The following ZC3H3 variants were observed in gnomAD, a reference collection of about 807,000 sequenced individuals.
ZC3H3 encodes zinc finger CCCH-type containing 3.
In ZC3H3, 36 loss-of-function variants were observed where a neutral mutation model predicts 77.3. The ratio of observed to expected loss-of-function variants is 0.47; its 90% CI spans 0.36 to 0.61. The LOEUF is 0.61. ZC3H3 is among the 20% of genes least tolerant of loss of function. The probability of loss-of-function intolerance (pLI) is 0.00; values close to 1 mark genes in which losing one functional copy is unlikely to be tolerated. For missense variants in ZC3H3, 1,331 were observed against 1,312.2 expected, an observed-to-expected ratio of 1.01 and a Z score of -0.22; for synonymous variants, 626 against 555.2, an observed-to-expected ratio of 1.13 and a Z score of -1.79.
Position 143,536,339 on chromosome 8 carries a change from G to C in ZC3H3, c.1479C>G (p.Thr493=), listed in dbSNP as rs928463608. The change falls in exon 3 of 12, where the codon ACC becomes ACG. Residue 493 remains threonine (T), a synonymous_variant. Coordinates refer to ENST00000262577, the MANE Select transcript of ZC3H3 (RefSeq NM_015117.3). ...RGKSSPVLKK[T]PNKGLVQVTT... is the part of the protein sequence containing the mutation. ...TGACCTGTACCAGGCCCTTGTTGGG[G>C]GTCTTCTTCAGGACAGGGCTGCTCT... The C allele has an allele frequency of 1.9e-6, 3 of 1,610,416 alleles. No homozygotes were observed. The highest frequency in any genetic ancestry group is 2.2e-5 in the East Asian group (1 of 44,820).
intron 9 of ZC3H3, among the ~76,000 whole-genome samples, chr8:143,457,063 A>G (rs1013598701): frequency 6.6e-6 from 1 of 152,236 alleles, no homozygotes; most frequent in Admixed American, 6.5e-5. Context: ...CATCAAGGAT[A>G]TAGAGAACTC....
In ZC3H3 at chr8:143,468,169, G is replaced by T. The variant is rs758411713; in HGVS notation, c.2175+40C>A. Reference sequence around the variant, plus strand: ...GAGGCCAGGTGGCTGAGGCCCCGGAGAAAGGTGCACGGGAGCAGGGCCACC... The same window carrying T: ...GAGGCCAGGTGGCTGAGGCCCCGGATAAAGGTGCACGGGAGCAGGGCCACC... On this transcript the variant is annotated intron_variant, in intron 8 of 11. Coordinates refer to ENST00000262577, the MANE Select transcript of ZC3H3 (RefSeq NM_015117.3). 3.8e-6 allele frequency: 6 copies of T among 1,589,286 alleles called. No homozygotes were observed. In the Admixed American group the frequency reaches 1.0e-4, roughly 27 times the overall value.
chr8:143,532,269 A>G (rs940356788), intron 3 of ZC3H3, among the ~76,000 whole-genome samples: 10 of 152,246 alleles, frequency 6.6e-5, no homozygotes, highest in African/African-American at 9.6e-5. Context: ...AGGAGGGGCA[A>G]GCATGCCCTC....
At chr8:143,534,885 C>T (rs748521327) in intron 3 of ZC3H3, among the ~76,000 whole-genome samples, 7 of 152,064 alleles carry the variant, frequency 4.6e-5, no homozygotes, top group African/African-American at 9.7e-5. Context: ...CCTCCCACCC[C>T]ACTGTGCTGC....
intron 4 of ZC3H3, among the ~76,000 whole-genome samples, chr8:143,500,237 G>A (rs1821485355): frequency 2.0e-5 from 3 of 152,230 alleles, no homozygotes. Flanking sequence ...CCCCACAGAA[G>A]GACAGCACAG....
In ZC3H3 at chr8:143,530,751, T is replaced by C. The variant is rs537677897; in HGVS notation, c.1561+5506A>G. ...TCAGCCGTGTGTACTGTAAACACTG[T>C]ACTCGAGAACACTGATTGCCACAGT... On this transcript the variant is annotated intron_variant, in intron 3 of 11. Coordinates refer to ENST00000262577, the MANE Select transcript of ZC3H3 (RefSeq NM_015117.3). The surrounding 1 kb of genome is among the most constrained non-coding windows in gnomAD (Gnocchi z 4.3). Among the ~76,000 whole-genome samples, 1 of 152,266 alleles carries C rather than the reference T, an allele frequency of 6.6e-6. No homozygotes were observed. The highest frequency in any genetic ancestry group is 1.9e-4 in the East Asian group (1 of 5,164).
intron 11 of ZC3H3, among the ~76,000 whole-genome samples, chr8:143,438,392 G>A (rs575324127): frequency 9.2e-4 from 140 of 152,306 alleles, no homozygotes; most frequent in African/African-American, 3.2e-3. Context: ...CTGGGCGGGC[G>A]GCAGTCCCGG....
At chr8:143,439,157 G>A (rs1819658757) in intron 11 of ZC3H3, among the ~76,000 whole-genome samples, 2 of 151,238 alleles carry the variant, frequency 1.3e-5, no homozygotes, top group African/African-American at 2.4e-5. Flanking sequence ...TCTGCTCCCC[G>A]ACCCCAGAGA....
intron 4 of ZC3H3, among the ~76,000 whole-genome samples, chr8:143,490,609 C>T (rs559385405): frequency 2.6e-5 from 4 of 152,288 alleles, no homozygotes; most frequent in Non-Finnish European, 2.9e-5. Flanking sequence ...TTGATATATT[C>T]GAGAAGTTAA....
At chr8:143,471,955 C>T (rs1394681577) in intron 5 of ZC3H3, among the ~76,000 whole-genome samples, 2 of 152,236 alleles carry the variant, frequency 1.3e-5, no homozygotes, top group East Asian at 1.9e-4. Context: ...TGTGGCCTCG[C>T]CTGTCGACCC....
Position 143,538,191 on chromosome 8 carries a change from G to A in ZC3H3, c.1176C>T (p.Phe392=). ...TGCTGCTGGCCTCCGACTGCCAACG[G>A]AAGGAGGAAGAGGAGGAGGCAGAGG... ...SSPSASSSSS[F]RWQSEASSKD... is the part of the protein sequence containing the mutation. Residue 392 remains phenylalanine, a synonymous_variant, in exon 2 of 12, where the codon TTC becomes TTT. Coordinates refer to ENST00000262577, the MANE Select transcript of ZC3H3 (RefSeq NM_015117.3). 6.2e-7 allele frequency: 1 copy of A among 1,613,012 alleles called. No homozygotes were observed. The highest frequency in any genetic ancestry group is 1.3e-5 in the African/African-American group (1 of 75,070).
At chr8:143,443,284 C>CAAA (rs34765299) in intron 9 of ZC3H3, among the ~76,000 whole-genome samples, 78 of 61,628 alleles carry the variant, frequency 1.3e-3, no homozygotes, top group Non-Finnish European at 1.6e-3. Context: ...GACCCTGTCT[C>CAAA]AAAAAAAAAA....
At chr8:143,498,067 G>A (rs1311458744) in intron 4 of ZC3H3, among the ~76,000 whole-genome samples, 1 of 152,234 alleles carries the variant, frequency 6.6e-6, no homozygotes, top group Admixed American at 6.5e-5. Flanking sequence ...GAATGCAAGT[G>A]AAGGAGCCAA....
intron 9 of ZC3H3, among the ~76,000 whole-genome samples, chr8:143,441,731 T>A: frequency 6.6e-6 from 1 of 152,156 alleles, no homozygotes; most frequent in Non-Finnish European, 1.5e-5. Context: ...ACAAAGAGGC[T>A]GCCCAAGGCC....
At chr8:143,492,258 G>A (rs917739685) in intron 4 of ZC3H3, among the ~76,000 whole-genome samples, 19 of 152,082 alleles carry the variant, frequency 1.2e-4, no homozygotes, top group Non-Finnish European at 2.4e-4. Flanking sequence ...CCTCCTCACC[G>A]GCCACCCACT....
At chr8:143,479,858 G>C (rs982795230) in intron 4 of ZC3H3, among the ~76,000 whole-genome samples, 15 of 152,194 alleles carry the variant, frequency 9.9e-5, no homozygotes, top group Non-Finnish European at 4.4e-5. Flanking sequence ...AGCAGTAATG[G>C]GGAGAAAGAC....
chr8:143,511,928 G>T (rs1020914371), intron 3 of ZC3H3, among the ~76,000 whole-genome samples: 1 of 152,258 alleles, frequency 6.6e-6, no homozygotes, highest in African/African-American at 2.4e-5. Flanking sequence ...AGCTGAGCAG[G>T]AGGCCAAGAC....
At chr8:143,471,489 C>T (rs1234878174) in intron 5 of ZC3H3, among the ~76,000 whole-genome samples, 2 of 152,236 alleles carry the variant, frequency 1.3e-5, no homozygotes, top group East Asian at 3.9e-4. Context: ...GGACACAGAA[C>T]AAGCCAAGGC....
At chr8:143,468,972 G>T (rs2294118) in intron 5 of ZC3H3, among the ~76,000 whole-genome samples, 55,964 of 152,144 alleles carry the variant, frequency 0.37, 10,499 homozygotes, top group African/African-American at 0.41. Flanking sequence ...CAGCACCCGC[G>T]GAGGGCTTGG....
Sources: allele counts gnomAD v4.1 joint callset (sites outside exome capture counted in the v4.1 genomes callset), GRCh38; gene constraint gnomAD v4.1.1; non-coding constraint Gnocchi (gnomAD v3.1); transcripts MANE v1.5; gene names NCBI Gene and HGNC (gene_info 2026-07-23, HGNC 2026-07-21).